SPTLC2: variants seen among roughly 807,000 people sequenced by gnomAD.
SPTLC2 encodes the protein serine palmitoyltransferase 2.
SPTLC2 carries 21 observed loss-of-function variants against 62.0 expected under a neutral mutation model. The ratio of observed to expected loss-of-function variants is 0.34; its 90% CI spans 0.24 to 0.49. The LOEUF is 0.49. Among genes scored for constraint, SPTLC2 ranks in the 20% least tolerant of loss-of-function variants. The pLI, the probability that SPTLC2 is intolerant of heterozygous loss-of-function variation, is 0.99. For missense variants in SPTLC2, 511 were observed against 713.0 expected (o/e 0.72, Z 3.23); for synonymous variants, 261 against 261.8 (o/e 1.00, Z 0.03).
chr14:77,559,344 G>A (rs1030576602), intron 6 of SPTLC2, among the ~76,000 whole-genome samples: 4 of 151,872 alleles, frequency 2.6e-5, no homozygotes, highest in African/African-American at 9.7e-5. Flanking sequence ...ACCTATAGCA[G>A]AATGCTTAAC....
At chr14:77,580,379 G>A (rs2079741866) in intron 2 of SPTLC2, among the ~76,000 whole-genome samples, 1 of 151,602 alleles carries the variant, frequency 6.6e-6, no homozygotes, top group African/African-American at 2.4e-5. Flanking sequence ...CTACTCGGGA[G>A]GCTTGAGGCA....
At position 77,521,441 on chromosome 14, in the gene SPTLC2, C is replaced by T. The variant is rs750011579; in HGVS notation, c.1439+5G>A. Reference sequence around the variant, plus strand: ...GACTGGTCTGTGATCTGCAACAAAACGTACCCAATTTTGGCAGGCATGTAG... The same window carrying T: ...GACTGGTCTGTGATCTGCAACAAAATGTACCCAATTTTGGCAGGCATGTAG... On this transcript the variant is annotated splice_donor_5th_base_variant and intron_variant, in intron 10 of 11. Transcript: ENST00000216484. 33 of 1,614,050 alleles carry T rather than the reference C, an allele frequency of 2.0e-5. No individual in the cohort carries two copies. Among genetic ancestry groups the T allele is most frequent in the Non-Finnish European group, 2.4e-5 (28 of 1,180,036 alleles).
At chr14:77,512,472 T>G (rs1174222787) in intron 11 of SPTLC2, 69 bp from the exon 12 acceptor site, 1 of 1,610,350 alleles carries the variant, frequency 6.2e-7, no homozygotes, top group African/African-American at 1.3e-5. Flanking sequence ...GGTGTTTTAC[T>G]TTGCTAAAAA....
intron 1 of SPTLC2, among the ~76,000 whole-genome samples, chr14:77,605,640 A>G (rs2079901231): frequency 1.3e-5 from 2 of 152,214 alleles, no homozygotes; most frequent in African/African-American, 2.4e-5. Context: ...CCATAGGCAG[A>G]ACTCCATCAA....
intron 8 of SPTLC2, among the ~76,000 whole-genome samples, chr14:77,553,104 A>G (rs1413195893): frequency 6.6e-6 from 1 of 152,218 alleles, no homozygotes; most frequent in African/African-American, 2.4e-5. Flanking sequence ...GAATAAAGTA[A>G]AACTCTGTCA....
Position 77,589,806 on chromosome 14 carries a change from C to T in SPTLC2, c.327+7380G>A, listed in dbSNP as rs191189944. On this transcript the variant is annotated intron_variant, in intron 2 of 11. Transcript: ENST00000216484. Reference sequence around the variant, plus strand: ...GTCCGTCTCCACACACACACACACACACACACACACAAATACAAAAAATTA... The same window carrying T: ...GTCCGTCTCCACACACACACACACATACACACACACAAATACAAAAAATTA... 1.1e-3 allele frequency among the ~76,000 whole-genome samples: 166 copies of T among 151,464 alleles called. 2 individuals are homozygous for T. Among genetic ancestry groups the T allele is most frequent in the African/African-American group, 3.8e-3 (158 of 41,302 alleles).
intron 1 of SPTLC2, among the ~76,000 whole-genome samples, chr14:77,611,548 A>G (rs2079937702): frequency 6.6e-6 from 1 of 152,016 alleles, no homozygotes; most frequent in Non-Finnish European, 1.5e-5. Flanking sequence ...ACCTCCGGCT[A>G]GGCGTGGTGG....
At chr14:77,533,303 A>C (rs1366415507) in intron 9 of SPTLC2, among the ~76,000 whole-genome samples, 2 of 90,860 alleles carry the variant, frequency 2.2e-5, no homozygotes, top group Non-Finnish European at 5.5e-5. Flanking sequence ...TCCGTTGCAA[A>C]AAAAAAAAAA....
intron 10 of SPTLC2, 74 bp from the exon 11 acceptor site, chr14:77,518,241 A>C: frequency 1.3e-6 from 2 of 1,597,166 alleles, no homozygotes; most frequent in South Asian, 2.2e-5. Flanking sequence ...TGCTGTCCTC[A>C]AAGATTTCAA....
chr14:77,601,255 C>A (rs540481618), intron 1 of SPTLC2, among the ~76,000 whole-genome samples: 3 of 152,182 alleles, frequency 2.0e-5, no homozygotes, highest in Admixed American at 1.3e-4. Context: ...ATAGCCTTAA[C>A]TGATGACATT....
chr14:77,515,542 C>CTTT (rs71128633), intron 11 of SPTLC2, among the ~76,000 whole-genome samples: 2,366 of 124,188 alleles, frequency 0.019, 136 homozygotes, highest in Non-Finnish European at 0.024. Flanking sequence ...AAGGGAAAGG[C>CTTT]TTTTTTTTTT....
rs561243127 is a variant in SPTLC2, at chr14:77,560,521, G to T, written c.850+1875C>A. 4.6e-5 allele frequency among the ~76,000 whole-genome samples: 7 copies of T among 152,166 alleles called. No individual in the cohort carries two copies. In the East Asian group the frequency reaches 1.3e-3, roughly 29 times the overall value. On this transcript the variant is annotated intron_variant, in intron 6 of 11. Transcript: ENST00000216484. ...TCCCAGCTACTAGGGTGGCTGAGAT[G>T]GGAGGATCGGTTGAGCTGGGGAGGT... is the stretch of plus-strand genomic sequence containing the variant.
rs181092201 is a variant in SPTLC2 at position 77,542,535 on chromosome 14, C to A, written c.1303+9561G>T. Among the ~76,000 whole-genome samples the A allele has an allele frequency of 1.8e-3, 272 of 152,250 alleles. 1 individual carries two copies. Among genetic ancestry groups the A allele is most frequent in the Non-Finnish European group, 3.2e-3 (215 of 68,026 alleles). On this transcript the variant is annotated intron_variant, in intron 9 of 11. Transcript: ENST00000216484. The stretch of plus-strand genomic sequence containing the variant: ...ATTTTCTAACACTGAAGCAAAGCAA[C>A]GGGAACTAGGTTTACCATCTCCAAG...
At chr14:77,564,397 GCATACACACACACACACACACA>G (rs1296098209) in intron 5 of SPTLC2, among the ~76,000 whole-genome samples, 278 of 99,864 alleles carry the variant, frequency 2.8e-3, no homozygotes, top group Admixed American at 6.9e-3. Flanking sequence ...CTTTATGCAT[GCATACACACACACACACACACA>G]CACACACACA....
intron 9 of SPTLC2, among the ~76,000 whole-genome samples, chr14:77,530,030 T>C (rs1488916914): frequency 1.3e-5 from 2 of 152,240 alleles, no homozygotes; most frequent in South Asian, 2.1e-4. Context: ...TGTTGATTTA[T>C]ATTAATTTAA....
chr14:77,588,451 G>A (rs1173155718), intron 2 of SPTLC2, among the ~76,000 whole-genome samples: 2 of 151,890 alleles, frequency 1.3e-5, no homozygotes, highest in South Asian at 2.1e-4. Flanking sequence ...AGGATTTTGG[G>A]AGGCCAAGGC....
intron 2 of SPTLC2, among the ~76,000 whole-genome samples, chr14:77,586,874 CA>C (rs1367678438): frequency 2.6e-5 from 4 of 152,168 alleles, no homozygotes; most frequent in Admixed American, 6.5e-5. Flanking sequence ...ACATATATAC[CA>C]ATTGAACTGG....
chr14:77,530,744 G>C (rs2079434081), intron 9 of SPTLC2, among the ~76,000 whole-genome samples: 1 of 152,162 alleles, frequency 6.6e-6, no homozygotes, highest in South Asian at 2.1e-4. Context: ...TCTTAAAATA[G>C]AGAAACCAAG....
chr14:77,520,040 GCTT>G (rs2079378395), intron 10 of SPTLC2, among the ~76,000 whole-genome samples: 1 of 151,792 alleles, frequency 6.6e-6, no homozygotes, highest in Non-Finnish European at 1.5e-5. Flanking sequence ...AGTAGTTATT[GCTT>G]TTTTGTGCCC....
Sources: allele counts gnomAD v4.1 joint callset (sites outside exome capture counted in the v4.1 genomes callset), GRCh38; gene constraint gnomAD v4.1.1; transcripts MANE v1.5; gene names NCBI Gene and HGNC (gene_info 2026-07-23, HGNC 2026-07-21).